The following YAP1 variants were observed in gnomAD, a reference collection of about 807,000 sequenced individuals.
The protein encoded by YAP1 is Yes1 associated transcriptional regulator.
Under a neutral mutation model 56.9 loss-of-function variants are expected in YAP1, and 5 were observed. The ratio of observed to expected loss-of-function variants is 0.09; its 90% CI spans 0.05 to 0.18. YAP1 has a LOEUF of 0.18. Ranked by LOEUF, YAP1 falls within the 10% of genes least tolerant of loss-of-function variation. The pLI, the probability that YAP1 is intolerant of heterozygous loss-of-function variation, is 1.00. For missense variants in YAP1, 539 were observed against 651.8 expected, an observed-to-expected ratio of 0.83 and a Z score of 1.88; for synonymous variants, 265 against 248.1, an observed-to-expected ratio of 1.07 and a Z score of -0.64.
At chr11:102,166,818 G>A (rs1946641917) in intron 3 of YAP1, among the ~76,000 whole-genome samples, 1 of 152,048 alleles carries the variant, frequency 6.6e-6, no homozygotes, top group South Asian at 2.1e-4. Flanking sequence ...TCATAATTGA[G>A]TCCAGCTTCA....
chr11:102,133,078 A>G (rs1944460823), intron 2 of YAP1, among the ~76,000 whole-genome samples: 1 of 152,164 alleles, frequency 6.6e-6, no homozygotes, highest in Non-Finnish European at 1.5e-5. Flanking sequence ...GAATCACTTG[A>G]ACCAGAGAGT....
chr11:102,229,112 G>C (rs1854480215), intron 8 of YAP1, among the ~76,000 whole-genome samples: 1 of 152,150 alleles, frequency 6.6e-6, no homozygotes, highest in South Asian at 2.1e-4. Flanking sequence ...TGTTAATGTT[G>C]TCATATGCAA....
At chr11:102,114,549 C>T (rs2135115909) in intron 2 of YAP1, among the ~76,000 whole-genome samples, 155 bp downstream of exon 2, 1 of 152,198 alleles carries the variant, frequency 6.6e-6, no homozygotes, top group East Asian at 1.9e-4. Flanking sequence ...ATATATGTTT[C>T]AGTTTGGTAT....
intron 3 of YAP1, among the ~76,000 whole-genome samples, chr11:102,173,164 A>G (rs915471933): frequency 1.8e-4 from 28 of 152,164 alleles, no homozygotes; most frequent in African/African-American, 6.8e-4. Context: ...ACGAGTGGGA[A>G]GTTAAGTTAG....
intron 2 of YAP1, among the ~76,000 whole-genome samples, chr11:102,134,573 G>A (rs1944562065): frequency 6.6e-6 from 1 of 150,466 alleles, no homozygotes; most frequent in Non-Finnish European, 1.5e-5. Flanking sequence ...TGATTTTGAT[G>A]GAAATACGCT....
At chr11:102,223,213 A>C (rs1425459486) in intron 6 of YAP1, among the ~76,000 whole-genome samples, 3 of 149,366 alleles carry the variant, frequency 2.0e-5, no homozygotes, top group Non-Finnish European at 4.4e-5. Context: ...GCACCACTGC[A>C]CTCCAGCCTG....
intron 3 of YAP1, among the ~76,000 whole-genome samples, chr11:102,166,265 T>C (rs1473529534): frequency 2.6e-5 from 4 of 152,216 alleles, no homozygotes; most frequent in Non-Finnish European, 5.9e-5. Context: ...TGATAATATC[T>C]TTACAGCACA....
At chr11:102,162,043 C>G (rs1214045155) in intron 2 of YAP1, among the ~76,000 whole-genome samples, 1 of 152,024 alleles carries the variant, frequency 6.6e-6, no homozygotes, top group Admixed American at 6.5e-5. Context: ...CGTTTTAGGC[C>G]TAAAAATTAT....
chr11:102,176,112 A>G (rs1236375900), intron 3 of YAP1, among the ~76,000 whole-genome samples: 2 of 152,220 alleles, frequency 1.3e-5, no homozygotes, highest in African/African-American at 4.8e-5. Context: ...TTGAAAGCCA[A>G]AAGTCTGCAC....
chr11:102,188,390 C>T (rs567228145), intron 4 of YAP1, among the ~76,000 whole-genome samples: 2 of 152,114 alleles, frequency 1.3e-5, no homozygotes, highest in African/African-American at 4.8e-5. Context: ...CTTCAAACAA[C>T]CCCTTTTATA....
intron 3 of YAP1, among the ~76,000 whole-genome samples, chr11:102,180,681 CAAA>C (rs58820066): frequency 2.6e-4 from 11 of 42,608 alleles, no homozygotes; most frequent in East Asian, 2.2e-3. Context: ...GACTCCATCT[CAAA>C]AAAAAAAAAA....
chr11:102,161,921 G>A (rs1287183116), intron 2 of YAP1, among the ~76,000 whole-genome samples: 6 of 152,192 alleles, frequency 3.9e-5, no homozygotes, highest in Admixed American at 3.9e-4. Context: ...ATGTTATTCA[G>A]GAGCCACAGG....
chr11:102,201,279 G>A lies in YAP1; in HGVS notation c.803-4614G>A, dbSNP rs947661037. Among the ~76,000 whole-genome samples the A allele has an allele frequency of 5.3e-5, 8 of 152,296 alleles. No individual in the cohort carries two copies. The East Asian group carries it at 1.5e-3, about 29-fold the overall frequency. On this transcript the variant is annotated intron_variant, in intron 4 of 8. Coordinates refer to ENST00000282441, the MANE Select transcript of YAP1 (RefSeq NM_001130145.3). The stretch of plus-strand genomic sequence containing the variant: ...ATATTGTTACAAAGGCAAAAGCAAA[G>A]TGGAAGGAAGTATGCATAGTATGCT...
chr11:102,168,820 G>T (rs1488646172), intron 3 of YAP1, among the ~76,000 whole-genome samples: 1 of 152,180 alleles, frequency 6.6e-6, no homozygotes, highest in African/African-American at 2.4e-5. Context: ...CAAGAAAAAT[G>T]AGAGAGCTAG....
chr11:102,222,019 C>A (rs1243706269), intron 6 of YAP1, among the ~76,000 whole-genome samples: 1 of 151,884 alleles, frequency 6.6e-6, no homozygotes, highest in Non-Finnish European at 1.5e-5. Flanking sequence ...GGTTAAGAAA[C>A]TCTGGTTTAA....
chr11:102,172,223 G>T (rs73582043), intron 3 of YAP1, among the ~76,000 whole-genome samples: 4,649 of 147,772 alleles, frequency 0.031, 287 homozygotes, highest in African/African-American at 0.11. Context: ...AGTTGTGGCA[G>T]ATGTATGCAC....
chr11:102,229,764 G>T lies in YAP1; in HGVS notation c.1339G>T (p.Ala447Ser). 1.2e-6 allele frequency: 2 copies of T among 1,614,158 alleles called. No homozygotes were observed. Among genetic ancestry groups the T allele is most frequent in the Non-Finnish European group, 1.7e-6 (2 of 1,180,010 alleles). Residue 447 changes from alanine (A) to serine (S), a missense_variant, in exon 9 of 9, where the codon GCC (alanine) becomes TCC (serine). Transcript: ENST00000282441. Reference protein sequence around the residue: ...QQNRFPDYLEAIPGTNVDLGT... With the variant: ...QQNRFPDYLESIPGTNVDLGT... ...GAACCGTTTCCCAGACTACCTTGAA[G>T]CCATTCCTGGGACAAATGTGGACCT...
At chr11:102,168,265 G>A (rs1223511824) in intron 3 of YAP1, among the ~76,000 whole-genome samples, 1 of 152,144 alleles carries the variant, frequency 6.6e-6, no homozygotes, top group Non-Finnish European at 1.5e-5. Context: ...TGTTAACACT[G>A]ATCCACAAGA....
At chr11:102,180,524 T>C (rs1398001071) in intron 3 of YAP1, among the ~76,000 whole-genome samples, 6 of 149,448 alleles carry the variant, frequency 4.0e-5, no homozygotes, top group Non-Finnish European at 8.9e-5. Flanking sequence ...CTACTAAAAG[T>C]ACAAAAAATT....
Sources: allele counts gnomAD v4.1 joint callset (sites outside exome capture counted in the v4.1 genomes callset), GRCh38; gene constraint gnomAD v4.1.1; transcripts MANE v1.5; gene names NCBI Gene and HGNC (gene_info 2026-07-23, HGNC 2026-07-21).